MICU1: variants seen among roughly 807,000 people sequenced by gnomAD.
MICU1 encodes mitochondrial calcium uptake 1.
MICU1 carries 45 observed loss-of-function variants against 56.8 expected under a neutral mutation model. The observed-to-expected ratio is 0.79, with a 90% confidence interval of 0.62 to 1.02. The LOEUF (loss-of-function observed/expected upper bound fraction) is 1.02, where lower values mean the gene tolerates loss of function less well. Among genes scored for constraint, MICU1 ranks in the 50% least tolerant of loss-of-function variants. The pLI is 0.00. For synonymous variants in MICU1, 186 were observed against 195.1 expected, an observed-to-expected ratio of 0.95 and a Z score of 0.39; for missense variants, 504 against 587.1, an observed-to-expected ratio of 0.86 and a Z score of 1.46.
chr10:72,405,554 C>T (rs7924277), intron 10 of MICU1, among the ~76,000 whole-genome samples: 10,726 of 134,246 alleles, frequency 0.08, 1,321 homozygotes, highest in African/African-American at 0.27. Context: ...AATACTCTGA[C>T]ATAAAACCCG....
chr10:72,435,434 T>G (rs1419069046), intron 8 of MICU1, among the ~76,000 whole-genome samples: 7 of 145,168 alleles, frequency 4.8e-5, no homozygotes, highest in Non-Finnish European at 1.5e-5. Context: ...CCAAGATGGC[T>G]GAATAGGAAC....
chr10:72,429,277 G>A (rs1388542229), intron 8 of MICU1, among the ~76,000 whole-genome samples: 6 of 151,906 alleles, frequency 3.9e-5, no homozygotes, highest in South Asian at 2.1e-4. Flanking sequence ...AAAATTAGCC[G>A]GGTCTGGTGG....
chr10:72,377,411 C>A (rs1361571348), intron 10 of MICU1, among the ~76,000 whole-genome samples: 3 of 152,238 alleles, frequency 2.0e-5, no homozygotes, highest in African/African-American at 7.2e-5. Flanking sequence ...TGAGCCACCA[C>A]ACTCAGCGGG....
chr10:72,376,604 G>T (rs912414337), intron 10 of MICU1, among the ~76,000 whole-genome samples: 3 of 152,084 alleles, frequency 2.0e-5, no homozygotes, highest in African/African-American at 7.2e-5. Flanking sequence ...CCACTGTACT[G>T]GAGTAACACT....
chr10:72,557,077 A>G (rs1270466275), intron 3 of MICU1, among the ~76,000 whole-genome samples: 1 of 152,112 alleles, frequency 6.6e-6, no homozygotes, highest in Non-Finnish European at 1.5e-5. Flanking sequence ...AAAAAAAAAG[A>G]AAAAGAAAAA....
At chr10:72,573,553 T>G (rs1234042122) in intron 1 of MICU1, among the ~76,000 whole-genome samples, 1 of 152,130 alleles carries the variant, frequency 6.6e-6, no homozygotes. Context: ...TGCAAACAAA[T>G]GTACAGTATT....
At chr10:72,545,484 G>C (rs1256505670) in intron 4 of MICU1, among the ~76,000 whole-genome samples, 1 of 152,234 alleles carries the variant, frequency 6.6e-6, no homozygotes, top group East Asian at 1.9e-4. Flanking sequence ...ATCTGAAGCA[G>C]GGAAAGGGCT....
At chr10:72,468,590 A>G (rs1451514001) in intron 8 of MICU1, among the ~76,000 whole-genome samples, 9 of 151,596 alleles carry the variant, frequency 5.9e-5, no homozygotes, top group Non-Finnish European at 1.5e-5. Context: ...TTTTTTTGTG[A>G]GTTCCCAAAT....
chr10:72,566,521 G>C (rs1022849389), intron 2 of MICU1, 112 bp downstream of exon 2: 16 of 1,107,198 alleles, frequency 1.4e-5, no homozygotes, highest in South Asian at 3.4e-5. Flanking sequence ...CAAATGATCC[G>C]AGCAAGAAAT....
intron 5 of MICU1, among the ~76,000 whole-genome samples, chr10:72,514,712 C>T (rs1867592831): frequency 6.6e-6 from 1 of 152,134 alleles, no homozygotes; most frequent in African/African-American, 2.4e-5. Context: ...CTTAGCAAGA[C>T]CATTTACAAC....
chr10:72,523,936 T>G, intron 5 of MICU1: 1 of 1,465,012 alleles, frequency 6.8e-7, no homozygotes, highest in Non-Finnish European at 9.0e-7. Flanking sequence ...AATAAAGTCT[T>G]TCTAGGTGTC....
intron 8 of MICU1, among the ~76,000 whole-genome samples, chr10:72,466,058 A>G (rs1479804980): frequency 6.6e-6 from 1 of 152,120 alleles, no homozygotes; most frequent in Admixed American, 6.6e-5. Context: ...GAAGTACTTT[A>G]CAGCTTCTCT....
At chr10:72,506,912 G>A (rs1353885126) in intron 6 of MICU1, among the ~76,000 whole-genome samples, 1 of 152,072 alleles carries the variant, frequency 6.6e-6, no homozygotes, top group East Asian at 1.9e-4. Flanking sequence ...CTGCTCCACC[G>A]TATGAATTTA....
At chr10:72,565,202 C>T (rs536781040) in intron 2 of MICU1, among the ~76,000 whole-genome samples, 3 of 151,516 alleles carry the variant, frequency 2.0e-5, no homozygotes, top group African/African-American at 7.3e-5. Context: ...ATGTTTATTG[C>T]GGCACTATTC....
intron 10 of MICU1, 35 bp downstream of exon 10, chr10:72,407,894 A>AT: frequency 6.9e-7 from 1 of 1,438,972 alleles, no homozygotes; most frequent in African/African-American, 1.4e-5. Flanking sequence ...TCCAATGTTC[A>AT]TACCTTCAAA....
At chr10:72,426,547 A>G (rs192403415) in intron 8 of MICU1, among the ~76,000 whole-genome samples, 1 of 151,724 alleles carries the variant, frequency 6.6e-6, no homozygotes, top group African/African-American at 2.4e-5. Context: ...ATAGGCATGC[A>G]CCACCATGCC....
intron 5 of MICU1, chr10:72,531,311 T>C (rs1479640720): frequency 6.6e-6 from 1 of 152,222 alleles, no homozygotes; most frequent in Non-Finnish European, 1.5e-5. Flanking sequence ...AAAATTACTA[T>C]AATATCATTA....
At chr10:72,412,719 C>T (rs1008426580) in intron 9 of MICU1, among the ~76,000 whole-genome samples, 2 of 151,680 alleles carry the variant, frequency 1.3e-5, no homozygotes, top group Non-Finnish European at 2.9e-5. Context: ...GGCATGGTGG[C>T]GCATGCCTGT....
intron 1 of MICU1, among the ~76,000 whole-genome samples, chr10:72,567,881 A>G (rs1009813291): frequency 5.5e-4 from 84 of 152,256 alleles, no homozygotes; most frequent in African/African-American, 1.9e-3. Flanking sequence ...CAAGGGAAAA[A>G]CTTCCAGTAT....
Sources: allele counts gnomAD v4.1 joint callset (sites outside exome capture counted in the v4.1 genomes callset), GRCh38; gene constraint gnomAD v4.1.1; transcripts MANE v1.5; gene names NCBI Gene and HGNC (gene_info 2026-07-23, HGNC 2026-07-21).